NTM: variants seen among roughly 807,000 people sequenced by gnomAD.
NTM encodes the protein neurotrimin, also known as IgLON family member 2.
A neutral mutation model predicts 42.1 loss-of-function variants in NTM; 13 were observed. The observed-to-expected ratio is 0.31, with a 90% confidence interval of 0.20 to 0.49. NTM has a LOEUF of 0.49. Among genes scored for constraint, NTM ranks in the 20% least tolerant of loss-of-function variants. NTM has a pLI of 0.99. For missense variants in NTM, 373 were observed against 452.8 expected, an observed-to-expected ratio of 0.82 and a Z score of 1.60; for synonymous variants, 187 against 179.2, an observed-to-expected ratio of 1.04 and a Z score of -0.35.
At chr11:131,648,897 C>T (rs959762182) in intron 1 of NTM, among the ~76,000 whole-genome samples, 2 of 152,108 alleles carry the variant, frequency 1.3e-5, no homozygotes, top group African/African-American at 2.4e-5. Context: ...TTTGGTGGCA[C>T]ATCCAGAAAG....
intron 7 of NTM, among the ~76,000 whole-genome samples, chr11:132,325,197 G>A (rs1474771667): frequency 2.0e-5 from 3 of 151,992 alleles, no homozygotes; most frequent in South Asian, 4.1e-4. Context: ...AAGAGCTTCT[G>A]CACAGCAAAA....
At chr11:132,241,779 C>T (rs2090244379) in intron 4 of NTM, among the ~76,000 whole-genome samples, 1 of 152,244 alleles carries the variant, frequency 6.6e-6, no homozygotes, top group Non-Finnish European at 1.5e-5. Flanking sequence ...ATACAAGCCT[C>T]ATATCCACAA....
At chr11:132,186,173 C>T (rs1448856153) in intron 3 of NTM, among the ~76,000 whole-genome samples, 1 of 152,196 alleles carries the variant, frequency 6.6e-6, no homozygotes, top group Non-Finnish European at 1.5e-5. Flanking sequence ...AGAACTCCAC[C>T]ACTGAGCCAC....
At chr11:132,133,227 T>A (rs1162434945) in intron 2 of NTM, among the ~76,000 whole-genome samples, 1 of 152,240 alleles carries the variant, frequency 6.6e-6, no homozygotes, top group Non-Finnish European at 1.5e-5. Context: ...AGCCCTTCCC[T>A]GACCCATTAG....
At chr11:131,660,362 C>G (rs765958651) in intron 1 of NTM, 56 of 402,122 alleles carry the variant, frequency 1.4e-4, no homozygotes, top group Non-Finnish European at 2.6e-4. Context: ...TCATTCACAC[C>G]CAAACCAGGA....
At chr11:131,945,445 A>G (rs2060240833) in intron 2 of NTM, among the ~76,000 whole-genome samples, 1 of 152,024 alleles carries the variant, frequency 6.6e-6, no homozygotes. Flanking sequence ...CACCTCCTTG[A>G]CTTTTTTTCT....
chr11:131,505,935 G>A (rs1270585523), intron 1 of NTM, among the ~76,000 whole-genome samples: 2 of 152,090 alleles, frequency 1.3e-5, no homozygotes, highest in Admixed American at 1.3e-4. Context: ...TTGCCCAGAT[G>A]TAACAGTGTG....
rs1350264427 is a variant in NTM, at chr11:131,681,458, CGT to C, written c.83-230099_83-230098del. Among the ~76,000 whole-genome samples, 4 of 1,412 alleles carry C rather than the reference CGT, an allele frequency of 2.8e-3. 1 individual carries two copies. The highest frequency in any genetic ancestry group is 0.024 in the Admixed American group (2 of 82). The allele number at this position is 1,412 out of a possible 152,430, so 0.9% of individuals were successfully genotyped here. ...GTGTCTGTATGTCTGTGTGTGTGAG[CGT>C]GTGTGTTTCTGTGTCTGTGTGTATG... is the stretch of plus-strand genomic sequence containing the variant. On this transcript the variant is annotated intron_variant, in intron 1 of 8. Transcript: ENST00000683400.
intron 4 of NTM, among the ~76,000 whole-genome samples, chr11:132,304,412 CTT>C (rs11443879): frequency 2.7e-5 from 4 of 145,946 alleles, no homozygotes; most frequent in Non-Finnish European, 3.0e-5. Context: ...ACTATGCTTG[CTT>C]TTTTTTTTTT....
chr11:131,842,868 G>A lies in NTM; in HGVS notation c.83-68696G>A, dbSNP rs184860061. 2.6e-3 allele frequency among the ~76,000 whole-genome samples: 392 copies of A among 152,014 alleles called. 1 individual carries two copies. Among genetic ancestry groups the A allele is most frequent in the African/African-American group, 8.8e-3 (365 of 41,476 alleles). ...TCTACTAAAAATACAAAATTTAGTC[G>A]GGCGTGGTGCCGCATGCCTGTAATC... On this transcript the variant is annotated intron_variant, in intron 1 of 8. Transcript: ENST00000683400.
intron 1 of NTM, among the ~76,000 whole-genome samples, chr11:131,652,740 A>G (rs1458263702): frequency 6.6e-6 from 1 of 152,146 alleles, no homozygotes; most frequent in African/African-American, 2.4e-5. Context: ...TGCTTTCTCA[A>G]TGAAAACAAG....
At position 131,616,377 on chromosome 11, in the gene NTM, C is replaced by A. The variant is rs891485000; in HGVS notation, c.82+245489C>A. On this transcript the variant is annotated intron_variant, in intron 1 of 8. Coordinates refer to ENST00000683400, the MANE Select transcript of NTM (RefSeq NM_001352005.2). ...TATCAAACTGGAGAGTGGGAAATGA[C>A]CGCGGACGGAGGCAAGGGAGAGAGC... Among the ~76,000 whole-genome samples the A allele has an allele frequency of 8.5e-5, 13 of 152,170 alleles. No homozygotes were observed. The East Asian group carries it at 1.5e-3, about 18-fold the overall frequency.
At chr11:131,469,300 A>C (rs1359427877) in intron 1 of NTM, among the ~76,000 whole-genome samples, 1 of 152,232 alleles carries the variant, frequency 6.6e-6, no homozygotes, top group Non-Finnish European at 1.5e-5. Flanking sequence ...AGGGTTTTAC[A>C]TATATTATCT....
intron 7 of NTM, among the ~76,000 whole-genome samples, chr11:132,321,608 A>G (rs984341778): frequency 3.8e-4 from 58 of 152,330 alleles, no homozygotes; most frequent in African/African-American, 1.1e-3. Flanking sequence ...CATTCTGCAG[A>G]ATATTATCCA....
chr11:131,911,719 G>A, intron 2 of NTM, 71 bp downstream of exon 2: 6 of 1,585,534 alleles, frequency 3.8e-6, no homozygotes, highest in South Asian at 1.1e-5. Flanking sequence ...GGGTGCAGGT[G>A]TGTGCACTGA....
intron 2 of NTM, among the ~76,000 whole-genome samples, chr11:132,115,895 T>C (rs1364083759): frequency 6.6e-6 from 1 of 152,196 alleles, no homozygotes; most frequent in African/African-American, 2.4e-5. Context: ...CTTTCTCTAT[T>C]GGGGCAAATA....
intron 4 of NTM, among the ~76,000 whole-genome samples, chr11:132,220,819 C>G (rs2084991619): frequency 6.6e-6 from 1 of 152,218 alleles, no homozygotes; most frequent in African/African-American, 2.4e-5. Context: ...GTATCATCCT[C>G]CCCACAGAAG....
intron 3 of NTM, among the ~76,000 whole-genome samples, chr11:132,179,495 C>G (rs2077259404): frequency 6.6e-6 from 1 of 152,056 alleles, no homozygotes; most frequent in African/African-American, 2.4e-5. Flanking sequence ...GATAGGAGAG[C>G]TATAAAATGG....
At chr11:131,500,573 ATATATTTTTTTTTTT>A (rs1382316180) in intron 1 of NTM, among the ~76,000 whole-genome samples, 6 of 39,744 alleles carry the variant, frequency 1.5e-4, no homozygotes, top group East Asian at 1.9e-3. Flanking sequence ...ATATATATAT[ATATATTTTTTTTTTT>A]TTTTTTTGTA....
Sources: allele counts gnomAD v4.1 joint callset (sites outside exome capture counted in the v4.1 genomes callset), GRCh38; gene constraint gnomAD v4.1.1; transcripts MANE v1.5; gene names NCBI Gene and HGNC (gene_info 2026-07-23, HGNC 2026-07-21).